Variants in ABCC3 observed in about 807,000 individuals in gnomAD.
ABCC3 encodes ATP-binding cassette sub-family C member 3.
A neutral mutation model predicts 165.3 loss-of-function variants in ABCC3; 121 were observed. The ratio of observed to expected loss-of-function variants is 0.73; its 90% CI spans 0.63 to 0.85. The LOEUF is 0.85. Ranked by LOEUF, ABCC3 falls within the 40% of genes least tolerant of loss-of-function variation. ABCC3 has a pLI of 0.00. For synonymous variants in ABCC3, 733 were observed against 810.1 expected (o/e 0.90, Z 1.62); for missense variants, 1,869 against 1,964.1 (o/e 0.95, Z 0.92).
Position 50,683,756 on chromosome 17 carries a change from G to C in ABCC3, c.3954G>C (p.Lys1318Asn). The C allele has an allele frequency of 6.2e-7, 1 of 1,603,826 alleles. No homozygotes were observed. The highest frequency in any genetic ancestry group is 8.5e-7 in the Non-Finnish European group (1 of 1,176,386). Residue 1318 changes from lysine to asparagine, a missense_variant and splice_region_variant, in exon 27 of 31, where the codon AAG becomes AAC. Physicochemically the swap from Lys to Asn is moderately conservative, Grantham distance 94. Coordinates refer to ENST00000285238, the MANE Select transcript of ABCC3 (RefSeq NM_003786.4). ...DLSLHVHGGE[K>N]VGIVGRTGAG... ...GTCTGCATGTGCACGGTGGCGAGAA[G>C]GTACGCGTGGGGTAGGCGGGCCTGC...
chr17:50,677,744 C>T lies in ABCC3; in HGVS notation c.3379C>T (p.Arg1127Cys), dbSNP rs201622126. ...PLAVLYTLVQ[R>C]FYAATSRQLK... The stretch of plus-strand genomic sequence containing the variant: ...CCCAAACTCCTTCTCCCTCCATCAG[C>T]GCTTCTATGCAGCCACATCACGGCA... Residue 1127 changes from arginine (R) to cysteine (C), a missense_variant and splice_region_variant, in exon 24 of 31, where the codon CGC becomes TGC. By Grantham distance (180) the Arg-to-Cys change is radical. Transcript: ENST00000285238. 1.2e-5 allele frequency: 20 copies of T among 1,613,624 alleles called. No homozygotes were observed. The East Asian group carries it at 3.1e-4, about 25-fold the overall frequency.
Position 50,675,424 on chromosome 17 carries a change from G to GATC in ABCC3, c.2663_2665dup (p.Asp888_Leu889insHis). 1 of 1,614,058 alleles carries GATC rather than the reference G, an allele frequency of 6.2e-7. No individual in the cohort carries two copies. Among genetic ancestry groups the GATC allele is most frequent in the Non-Finnish European group, 8.5e-7 (1 of 1,179,986 alleles). On this transcript the variant is annotated inframe_insertion, in exon 20 of 31. Coordinates refer to ENST00000285238, the MANE Select transcript of ABCC3 (RefSeq NM_003786.4). ...TGAAGACACACTCAGCAACCACACG[G>GATC]ATCTGACAGACAATGATCCAGTCAC...
chr17:50,691,137 A>G lies in ABCC3; in HGVS notation c.4521A>G (p.Pro1507=), dbSNP rs1291798301. 2 of 1,614,222 alleles carry G rather than the reference A, an allele frequency of 1.2e-6. No individual in the cohort carries two copies. The highest frequency in any genetic ancestry group is 8.5e-7 in the Non-Finnish European group (1 of 1,180,030). The change falls in exon 31 of 31, where the codon CCA becomes CCG. Residue 1507 remains proline (P), a synonymous_variant. Coordinates refer to ENST00000285238, the MANE Select transcript of ABCC3 (RefSeq NM_003786.4). ...DKGVVAEFDS[P]ANLIAARGIF... Reference sequence around the variant, plus strand: ...GAGTAGTAGCTGAATTTGATTCTCCAGCCAACCTCATTGCAGCTAGAGGCA... The same window carrying G: ...GAGTAGTAGCTGAATTTGATTCTCCGGCCAACCTCATTGCAGCTAGAGGCA...
chr17:50,650,683 T>C (rs1338330661), intron 1 of ABCC3, among the ~76,000 whole-genome samples: 1 of 152,222 alleles, frequency 6.6e-6, no homozygotes, highest in Non-Finnish European at 1.5e-5. Context: ...CTTTTTCATA[T>C]ATTCCTTTTT....
rs1427883325 is a variant in ABCC3 at position 50,656,995 on chromosome 17, C to T, written c.349-51C>T. The T allele has an allele frequency of 1.9e-6, 3 of 1,575,626 alleles. No individual in the cohort carries two copies. The African/African-American group carries it at 4.1e-5, about 22-fold the overall frequency. ...CATGTGGGATGGGGAGAAATGGAGG[C>T]AGGTCCAGATGTGTGTGTTCTGCCC... On this transcript the variant is annotated intron_variant, in intron 3 of 30. Coordinates refer to ENST00000285238, the MANE Select transcript of ABCC3 (RefSeq NM_003786.4).
chr17:50,645,882 G>C (rs1438315645), intron 1 of ABCC3, among the ~76,000 whole-genome samples: 1 of 152,086 alleles, frequency 6.6e-6, no homozygotes, highest in Non-Finnish European at 1.5e-5. Context: ...AATGTCCCTG[G>C]TCTTCAATAA....
In ABCC3 at chr17:50,669,216, T is replaced by C. The variant is rs757382887; in HGVS notation, c.2014T>C (p.Ser672Pro). The change falls in exon 16 of 31, where the codon TCT (serine) becomes CCT (proline). Residue 672 changes from serine (S) to proline (P), a missense_variant. Ser to Pro is a moderately conservative substitution (Grantham distance 74). Transcript: ENST00000285238. ...GGGCTGTGGGAAGTCCTCCCTGGTG[T>C]CTGCCCTGCTGGGAGAGATGGAGAA... ...PVGCGKSSLVSALLGEMEKLE... is the reference protein window; with the variant it reads ...PVGCGKSSLVPALLGEMEKLE... 2 of 1,612,856 alleles carry C rather than the reference T, an allele frequency of 1.2e-6. No individual in the cohort carries two copies. The highest frequency in any genetic ancestry group is 2.7e-5 in the African/African-American group (2 of 74,952).
At chr17:50,663,416 T>C in intron 8 of ABCC3, 1 of 485,414 alleles carries the variant, frequency 2.1e-6, no homozygotes, top group Non-Finnish European at 3.7e-6. Flanking sequence ...GGCAGGCAGG[T>C]GAGGCTGGTG....
At chr17:50,674,753 G>C (rs558487696) in intron 19 of ABCC3, among the ~76,000 whole-genome samples, 1 of 150,596 alleles carries the variant, frequency 6.6e-6, no homozygotes, top group African/African-American at 2.5e-5. Flanking sequence ...TGTGCCCCTC[G>C]CTCACACACT....
chr17:50,676,572 T>G lies in ABCC3; in HGVS notation c.3362T>G (p.Leu1121Arg). 1.2e-6 allele frequency: 2 copies of G among 1,606,782 alleles called. No homozygotes were observed. Among genetic ancestry groups the G allele is most frequent in the Middle Eastern group, 1.7e-4 (1 of 6,022 alleles). ...GTGGTCATCCTGCCCCTGGCTGTGC[T>G]CTACACCTTAGTGCAGGTGTGGGGT... ...FTVVILPLAV[L>R]YTLVQRFYAA... Residue 1121 changes from leucine (L) to arginine (R), a missense_variant, in exon 23 of 31, where the codon CTC (leucine) becomes CGC (arginine). Coordinates refer to ENST00000285238, the MANE Select transcript of ABCC3 (RefSeq NM_003786.4).
intron 2 of ABCC3, 102 bp downstream of exon 2, chr17:50,656,110 G>C: frequency 2.0e-6 from 2 of 1,019,882 alleles, no homozygotes; most frequent in Non-Finnish European, 2.5e-6. Flanking sequence ...TTTAGAGACA[G>C]AGTCTCACTC....
At chr17:50,685,146 G>T (rs1346295332) in intron 29 of ABCC3, among the ~76,000 whole-genome samples, 1 of 152,216 alleles carries the variant, frequency 6.6e-6, no homozygotes, top group Non-Finnish European at 1.5e-5. Flanking sequence ...AAGTTGCACA[G>T]CTGGGAGAAG....
intron 17 of ABCC3, among the ~76,000 whole-genome samples, chr17:50,670,254 T>G (rs187854993): frequency 1.8e-4 from 27 of 152,140 alleles, no homozygotes; most frequent in African/African-American, 6.5e-4. Flanking sequence ...GGCTAATTTT[T>G]GTGTTTTTAG....
chr17:50,669,657 A>G, intron 17 of ABCC3, 129 bp downstream of exon 17: 1 of 936,520 alleles, frequency 1.1e-6, no homozygotes, highest in East Asian at 2.5e-5. Context: ...TGTGCCAGGC[A>G]CTGGGGAAAC....
intron 1 of ABCC3, 31 bp downstream of exon 1, chr17:50,635,012 G>C: frequency 2.4e-6 from 3 of 1,252,680 alleles, no homozygotes; most frequent in East Asian, 3.1e-5. Context: ...GTCACTGCGC[G>C]GGGGCCAGGG....
chr17:50,683,812 A>G, intron 27 of ABCC3, 56 bp downstream of exon 27: 1 of 1,573,544 alleles, frequency 6.4e-7, no homozygotes, highest in Non-Finnish European at 8.6e-7. Flanking sequence ...ACATGGCCAC[A>G]GCCCTTGTGG....
chr17:50,675,532 C>T lies in ABCC3; in HGVS notation c.2714+56C>T, dbSNP rs1050467292. On this transcript the variant is annotated intron_variant, in intron 20 of 30. Transcript: ENST00000285238. Reference sequence around the variant, plus strand: ...GAGGCTGTATCAGGCCTCCCCAGGCCCTGCCAGATGGGGTGCAGGTTTCTC... The same window carrying T: ...GAGGCTGTATCAGGCCTCCCCAGGCTCTGCCAGATGGGGTGCAGGTTTCTC... The T allele has an allele frequency of 2.6e-5, 41 of 1,585,932 alleles. 1 individual carries two copies. In the Middle Eastern group the frequency reaches 7.2e-4, roughly 28 times the overall value.
intron 8 of ABCC3, among the ~76,000 whole-genome samples, chr17:50,662,962 C>T (rs1013831678): frequency 2.0e-5 from 3 of 151,926 alleles, no homozygotes; most frequent in Non-Finnish European, 4.4e-5. Context: ...GGGGCAACAG[C>T]GCAGCAAGTT....
At chr17:50,641,856 G>A (rs568836474) in intron 1 of ABCC3, among the ~76,000 whole-genome samples, 1 of 152,202 alleles carries the variant, frequency 6.6e-6, no homozygotes, top group South Asian at 2.1e-4. Context: ...GACCAGTCTG[G>A]GCCACATAGT....
Sources: gnomAD v4.1 joint callset for allele counts (sites outside exome capture counted in the v4.1 genomes callset) on GRCh38, gnomAD v4.1.1 for gene constraint, MANE v1.5 for transcripts, NCBI Gene and HGNC (gene_info 2026-07-23, HGNC 2026-07-21) for gene names.